The following NEK11 variants were observed in gnomAD, a reference collection of about 807,000 sequenced individuals.
The protein encoded by NEK11 is serine/threonine-protein kinase Nek11.
In NEK11, 72 loss-of-function variants were observed where a neutral mutation model predicts 80.7. That is an observed-to-expected ratio of 0.89 (90% CI 0.74 to 1.08). The LOEUF is 1.08. Ranked by LOEUF, NEK11 falls within the 50% of genes least tolerant of loss-of-function variation. NEK11 has a pLI of 0.00. For synonymous variants in NEK11, 251 were observed against 260.7 expected, an observed-to-expected ratio of 0.96 and a Z score of 0.36; for missense variants, 764 against 763.6, an observed-to-expected ratio of 1.00 and a Z score of -0.01.
At chr3:131,235,563 G>T (rs549439135) in intron 15 of NEK11, among the ~76,000 whole-genome samples, 1 of 152,206 alleles carries the variant, frequency 6.6e-6, no homozygotes, top group African/African-American at 2.4e-5. Context: ...ATTGTTGGGG[G>T]TGCATTGTTC....
intron 16 of NEK11, among the ~76,000 whole-genome samples, chr3:131,265,543 C>G (rs1418957603): frequency 6.6e-6 from 1 of 152,108 alleles, no homozygotes; most frequent in Non-Finnish European, 1.5e-5. Context: ...GTTTAACCAG[C>G]CTTGCATCAC....
rs1035419491 is a variant in NEK11 at position 131,195,938 on chromosome 3, C to T, written c.1399+25051C>T. On this transcript the variant is annotated intron_variant, in intron 14 of 17. Transcript: ENST00000383366. ...AGTACAGTTAGTTATTTGTAAAATGCGTCCGATAAATACTTGCTTAATGAA... is the reference window on the plus strand; with the variant it reads ...AGTACAGTTAGTTATTTGTAAAATGTGTCCGATAAATACTTGCTTAATGAA... Among the ~76,000 whole-genome samples, 6 of 150,760 alleles carry T rather than the reference C, an allele frequency of 4.0e-5. No individual in the cohort carries two copies. In the South Asian group the frequency reaches 6.3e-4, roughly 16 times the overall value.
chr3:131,287,243 C>A (rs2096484264), intron 17 of NEK11, among the ~76,000 whole-genome samples: 1 of 152,126 alleles, frequency 6.6e-6, no homozygotes, highest in East Asian at 1.9e-4. Context: ...CCCACTTTAT[C>A]TGTTTCAAGG....
At chr3:131,226,824 T>C (rs1420358235) in intron 14 of NEK11, among the ~76,000 whole-genome samples, 3 of 152,118 alleles carry the variant, frequency 2.0e-5, no homozygotes, top group African/African-American at 7.2e-5. Context: ...CAAAAGGTAT[T>C]GAAGTTCTAT....
rs2096169515 is a variant in NEK11 at position 131,270,828 on chromosome 3, G to A, written c.1622-2650G>A. Among the ~76,000 whole-genome samples the A allele has an allele frequency of 3.3e-5, 5 of 152,094 alleles. No homozygotes were observed. The South Asian group carries it at 1.0e-3, about 32-fold the overall frequency. ...CTGGAAATTGCTTTGACCTTTATTT[G>A]CATAAGTCTTCAAAACTTGCCAGCT... On this transcript the variant is annotated intron_variant, in intron 16 of 17. Coordinates refer to ENST00000383366, the MANE Select transcript of NEK11 (RefSeq NM_024800.5).
intron 16 of NEK11, among the ~76,000 whole-genome samples, chr3:131,249,799 C>G (rs771626777): frequency 4.6e-5 from 7 of 152,078 alleles, no homozygotes; most frequent in Non-Finnish European, 1.0e-4. Context: ...AGTTGACAAT[C>G]TCTGAATCTG....
intron 4 of NEK11, among the ~76,000 whole-genome samples, chr3:131,099,759 A>G (rs1215663288): frequency 6.6e-6 from 1 of 151,860 alleles, no homozygotes; most frequent in African/African-American, 2.4e-5. Flanking sequence ...TCTTGATTTG[A>G]CTCTCAGCCT....
intron 17 of NEK11, among the ~76,000 whole-genome samples, chr3:131,318,743 A>G (rs911208055): frequency 2.0e-4 from 29 of 148,566 alleles, no homozygotes; most frequent in African/African-American, 6.7e-4. Context: ...ACATGTGTAT[A>G]TATATATATA....
At chr3:131,333,041 C>T (rs1371189299) in intron 17 of NEK11, among the ~76,000 whole-genome samples, 6 of 152,208 alleles carry the variant, frequency 3.9e-5, no homozygotes, top group African/African-American at 1.4e-4. Context: ...GGAAAACACT[C>T]TGCAGGATAT....
At position 131,093,894 on chromosome 3, in the gene NEK11, A is replaced by C. The variant is rs145843968; in HGVS notation, c.336+13306A>C. 3.0e-3 allele frequency among the ~76,000 whole-genome samples: 457 copies of C among 151,586 alleles called. 1 individual carries two copies. Among genetic ancestry groups the C allele is most frequent in the Middle Eastern group, 6.8e-3 (2 of 294 alleles). On this transcript the variant is annotated intron_variant, in intron 4 of 17. Transcript: ENST00000383366. ...TATCACATTATCTTGCCATATATAA[A>C]CAGAAAAGAAAACAAAGAGGAAAGG... is the stretch of plus-strand genomic sequence containing the variant.
intron 3 of NEK11, among the ~76,000 whole-genome samples, chr3:131,069,519 C>T (rs953295757): frequency 6.6e-6 from 1 of 152,072 alleles, no homozygotes. Context: ...TATAAAGACG[C>T]ATGCACACGT....
intron 16 of NEK11, among the ~76,000 whole-genome samples, chr3:131,248,594 C>A (rs533412033): frequency 6.6e-6 from 1 of 152,002 alleles, no homozygotes; most frequent in East Asian, 1.9e-4. Context: ...TTGCATGGTC[C>A]CCCCGTGGAA....
chr3:131,338,127 C>G (rs534758995), intron 17 of NEK11, among the ~76,000 whole-genome samples: 1 of 151,922 alleles, frequency 6.6e-6, no homozygotes, highest in East Asian at 1.9e-4. Flanking sequence ...CCGCCATGCC[C>G]GGCTTATTTT....
At chr3:131,280,297 C>T (rs2096375229) in intron 17 of NEK11, among the ~76,000 whole-genome samples, 1 of 152,136 alleles carries the variant, frequency 6.6e-6, no homozygotes, top group South Asian at 2.1e-4. Flanking sequence ...ACGTGTTCTC[C>T]ACTTTAGGAA....
intron 9 of NEK11, chr3:131,154,734 T>G (rs1180532067): frequency 3.5e-6 from 1 of 282,922 alleles, no homozygotes; most frequent in South Asian, 7.3e-5. Context: ...GTCTGGGAGG[T>G]TGGAAAAAGC....
intron 4 of NEK11, 130 bp from the exon 5 acceptor site, chr3:131,109,673 C>A: frequency 1.1e-6 from 1 of 934,334 alleles, no homozygotes; most frequent in East Asian, 2.8e-5. Flanking sequence ...AAGAGAGAAT[C>A]TTTGTCAGTG....
chr3:131,301,693 A>G (rs2096662928), intron 17 of NEK11, among the ~76,000 whole-genome samples: 1 of 152,046 alleles, frequency 6.6e-6, no homozygotes, highest in African/African-American at 2.4e-5. Flanking sequence ...TGATTTGTGT[A>G]TGTTGAACCA....
At chr3:131,345,274 A>C (rs552245476) in intron 17 of NEK11, among the ~76,000 whole-genome samples, 4 of 152,352 alleles carry the variant, frequency 2.6e-5, no homozygotes, top group African/African-American at 9.6e-5. Context: ...ACTGGGAAAA[A>C]ATATTTGCAA....
At position 131,236,397 on chromosome 3, in the gene NEK11, A is replaced by G. The variant is rs541249606; in HGVS notation, c.1561-7039A>G. 2.6e-5 allele frequency among the ~76,000 whole-genome samples: 4 copies of G among 152,074 alleles called. No individual in the cohort carries two copies. The East Asian group carries it at 5.8e-4, about 22-fold the overall frequency. ...TTTTTTTCGTCTCTTTATCCTTTAC[A>G]TTTCTAAACCGTAATTCTAAATGTC... On this transcript the variant is annotated intron_variant, in intron 15 of 17. Transcript: ENST00000383366.
Sources: allele counts gnomAD v4.1 joint callset (sites outside exome capture counted in the v4.1 genomes callset), GRCh38; gene constraint gnomAD v4.1.1; transcripts MANE v1.5; gene names NCBI Gene and HGNC (gene_info 2026-07-23, HGNC 2026-07-21).